Variants in THSD7A observed in about 807,000 individuals in gnomAD.
THSD7A encodes the protein thrombospondin type 1 domain containing 7A, also known as thrombospondin type-1 domain-containing protein 7A.
In THSD7A, 96 loss-of-function variants were observed where a neutral mutation model predicts 231.3. The observed-to-expected ratio is 0.41, with a 90% CI of 0.35 to 0.49. The LOEUF (loss-of-function observed/expected upper bound fraction) is 0.49, where lower values mean the gene tolerates loss of function less well. Among genes scored for constraint, THSD7A ranks in the 20% least tolerant of loss-of-function variants. The probability of loss-of-function intolerance (pLI) is 0.05; values close to 1 mark genes in which losing one functional copy is unlikely to be tolerated. For synonymous variants in THSD7A, 940 were observed against 743.3 expected, an observed-to-expected ratio of 1.26 and a Z score of -4.30; for missense variants, 2,290 against 2,070.2, an observed-to-expected ratio of 1.11 and a Z score of -2.06.
Position 11,636,487 on chromosome 7 carries a change from A to G in THSD7A, c.665T>C (p.Val222Ala). ...SGLQHRTRHV[V>A]APPQFGGSGC... ...AGAGCCTCCGAACTGCGGGGGCGCCACCACATGACGCGTCCGGTGCTGGAG... is the reference window on the plus strand; with the variant it reads ...AGAGCCTCCGAACTGCGGGGGCGCCGCCACATGACGCGTCCGGTGCTGGAG... The change falls in exon 2 of 28, where the codon GTG becomes GCG. Residue 222 changes from valine to alanine, a missense_variant. By Grantham distance (64) the Val-to-Ala change is moderately conservative (BLOSUM62 0). Coordinates refer to ENST00000423059, the MANE Select transcript of THSD7A (RefSeq NM_015204.3). The surrounding 1 kb of genome is among the most constrained non-coding windows in gnomAD (Gnocchi z 10.0). 1.9e-6 allele frequency: 3 copies of G among 1,613,788 alleles called. No individual in the cohort carries two copies. Among genetic ancestry groups the G allele is most frequent in the East Asian group, 4.5e-5 (2 of 44,858 alleles).
intron 23 of THSD7A, among the ~76,000 whole-genome samples, chr7:11,397,834 T>A (rs1240662558): frequency 1.3e-5 from 2 of 152,036 alleles, no homozygotes; most frequent in East Asian, 3.9e-4. Flanking sequence ...GAAATGCAAA[T>A]CAAAACCACA....
intron 8 of THSD7A, among the ~76,000 whole-genome samples, chr7:11,471,285 G>A (rs1311148526): frequency 6.6e-6 from 1 of 151,846 alleles, no homozygotes; most frequent in Non-Finnish European, 1.5e-5. Flanking sequence ...AAATAAATTG[G>A]CAGATCAGTG....
At chr7:11,475,519 A>C (rs905891719) in intron 7 of THSD7A, among the ~76,000 whole-genome samples, 3 of 151,154 alleles carry the variant, frequency 2.0e-5, no homozygotes, top group Non-Finnish European at 4.4e-5. Context: ...AGAATGGGGA[A>C]GTGATGGTAT....
chr7:11,439,163 A>C (rs1165632373), intron 13 of THSD7A, among the ~76,000 whole-genome samples: 2 of 152,022 alleles, frequency 1.3e-5, no homozygotes, highest in Non-Finnish European at 2.9e-5. Flanking sequence ...AATAGTGTTC[A>C]GCACCAATTT....
At chr7:11,782,782 AT>A (rs1285746014) in intron 1 of THSD7A, among the ~76,000 whole-genome samples, 3 of 151,648 alleles carry the variant, frequency 2.0e-5, no homozygotes, top group Non-Finnish European at 4.4e-5. Context: ...AGTTAAATGA[AT>A]TTTTTTTTAG....
chr7:11,401,185 T>G (rs868387713), intron 23 of THSD7A, among the ~76,000 whole-genome samples: 1 of 152,150 alleles, frequency 6.6e-6, no homozygotes, highest in African/African-American at 2.4e-5. Flanking sequence ...TTTAAATAAA[T>G]TGAAGATTGT....
intron 11 of THSD7A, among the ~76,000 whole-genome samples, chr7:11,452,536 T>C (rs1286828662): frequency 6.6e-6 from 1 of 152,014 alleles, no homozygotes; most frequent in East Asian, 1.9e-4. Flanking sequence ...GCTTATAATA[T>C]ATGTGAGAAT....
Position 11,831,762 on chromosome 7 carries a change from T to C in THSD7A, c.185A>G (p.Lys62Arg). Residue 62 changes from lysine (K) to arginine (R), a missense_variant, in exon 1 of 28, where the codon AAG (lysine) becomes AGG (arginine). Transcript: ENST00000423059. This position sits in a 1 kb window ranked among gnomAD's most constrained non-coding sequence, Gnocchi z 5.0. Reference sequence around the variant, plus strand: ...GGTAACTCCGTCCCACTTACCAGTCTTCCACAGATAGAGGGTGGGCGCCTC... The same window carrying C: ...GGTAACTCCGTCCCACTTACCAGTCCTCCACAGATAGAGGGTGGGCGCCTC... ...EAEAPTLYLW[K>R]TGPWGRCMGD... The C allele has an allele frequency of 6.8e-7, 1 of 1,470,298 alleles. No individual in the cohort carries two copies. The highest frequency in any genetic ancestry group is 9.0e-7 in the Non-Finnish European group (1 of 1,107,944). 91.1% of individuals were successfully genotyped at this position (1,470,298 alleles called of 1,614,324 possible). A position where few individuals can be genotyped will look rare whatever the true frequency, so the allele number is the denominator to read the frequency against.
intron 2 of THSD7A, among the ~76,000 whole-genome samples, chr7:11,630,836 C>T (rs1387135682): frequency 1.3e-5 from 2 of 152,164 alleles, no homozygotes; most frequent in Non-Finnish European, 2.9e-5. Context: ...CTTCAATACG[C>T]AGATTTGGTT....
chr7:11,622,802 T>C (rs1183298730), intron 2 of THSD7A, among the ~76,000 whole-genome samples: 1 of 152,186 alleles, frequency 6.6e-6, no homozygotes, highest in African/African-American at 2.4e-5. Context: ...ATAGATTATA[T>C]GAATTATTTT....
intron 1 of THSD7A, among the ~76,000 whole-genome samples, chr7:11,667,234 G>A (rs75808529): frequency 6.6e-6 from 1 of 152,038 alleles, no homozygotes; most frequent in Non-Finnish European, 1.5e-5. Flanking sequence ...AGTCCTCAAA[G>A]TCCATTACCT....
chr7:11,621,319 C>A (rs187310892), intron 2 of THSD7A, among the ~76,000 whole-genome samples: 1 of 152,120 alleles, frequency 6.6e-6, no homozygotes, highest in Non-Finnish European at 1.5e-5. Flanking sequence ...ATCCCAGTCA[C>A]GACATATCAT....
intron 2 of THSD7A, among the ~76,000 whole-genome samples, chr7:11,604,115 C>T (rs1414401185): frequency 6.6e-6 from 1 of 151,858 alleles, no homozygotes; most frequent in Non-Finnish European, 1.5e-5. Context: ...TTACTATGTG[C>T]CAGACACTGT....
At chr7:11,501,496 A>T (rs1209039590) in intron 6 of THSD7A, among the ~76,000 whole-genome samples, 1 of 152,230 alleles carries the variant, frequency 6.6e-6, no homozygotes, top group Non-Finnish European at 1.5e-5. Context: ...CCAGACAATT[A>T]CATAGAAATT....
At chr7:11,620,327 C>G (rs1781261150) in intron 2 of THSD7A, among the ~76,000 whole-genome samples, 1 of 152,118 alleles carries the variant, frequency 6.6e-6, no homozygotes, top group African/African-American at 2.4e-5. Context: ...ACTGATACAC[C>G]TGTGGCATTG....
intron 23 of THSD7A, among the ~76,000 whole-genome samples, chr7:11,398,435 G>A (rs1783275355): frequency 6.6e-6 from 1 of 152,030 alleles, no homozygotes; most frequent in African/African-American, 2.4e-5. Context: ...ACGTAAAGTA[G>A]ATGAAGTAGA....
chr7:11,731,113 C>T (rs528257143), intron 1 of THSD7A, among the ~76,000 whole-genome samples: 19 of 151,592 alleles, frequency 1.3e-4, no homozygotes, highest in Admixed American at 9.2e-4. Flanking sequence ...GAACTTATTT[C>T]CTTTCCTTAA....
At chr7:11,789,056 G>A (rs1783873977) in intron 1 of THSD7A, among the ~76,000 whole-genome samples, 1 of 151,926 alleles carries the variant, frequency 6.6e-6, no homozygotes, top group South Asian at 2.1e-4. Flanking sequence ...AGATTGGATG[G>A]TCAGGGAAGA....
chr7:11,779,731 T>A (rs1188514124), intron 1 of THSD7A, among the ~76,000 whole-genome samples: 22 of 152,236 alleles, frequency 1.4e-4, no homozygotes, highest in Non-Finnish European at 1.6e-4. Context: ...CCTCATTGAT[T>A]TCTCTACTTC....
Sources: gnomAD v4.1 joint callset for allele counts (sites outside exome capture counted in the v4.1 genomes callset) on GRCh38, gnomAD v4.1.1 for gene constraint, Gnocchi (gnomAD v3.1) non-coding constraint, MANE v1.5 for transcripts, NCBI Gene and HGNC (gene_info 2026-07-23, HGNC 2026-07-21) for gene names.